WDR70: variants seen among roughly 807,000 people sequenced by gnomAD.
The protein encoded by WDR70 is WD repeat-containing protein 70.
Under a neutral mutation model 88.6 loss-of-function variants are expected in WDR70, and 53 were observed. The ratio of observed to expected loss-of-function variants is 0.60; its 90% CI spans 0.48 to 0.75. The LOEUF is 0.75. Ranked by LOEUF, WDR70 falls within the 30% of genes least tolerant of loss-of-function variation. WDR70 has a pLI of 0.00. For synonymous variants in WDR70, 280 were observed against 270.0 expected, an observed-to-expected ratio of 1.04 and a Z score of -0.36; for missense variants, 610 against 823.2, an observed-to-expected ratio of 0.74 and a Z score of 3.17.
intron 9 of WDR70, among the ~76,000 whole-genome samples, chr5:37,596,040 T>G (rs1220937575): frequency 6.6e-6 from 1 of 152,226 alleles, no homozygotes; most frequent in Non-Finnish European, 1.5e-5. Context: ...GTTTATAAAT[T>G]ACTTTTGCAA....
intron 8 of WDR70, among the ~76,000 whole-genome samples, chr5:37,497,427 C>CTCTTCCCTTCCG (rs1740260153): frequency 5.7e-5 from 2 of 34,840 alleles, no homozygotes; most frequent in Non-Finnish European, 1.9e-4. Context: ...CTTCCCTTCC[C>CTCTTCCCTTCCG]TCTTCCCTTC....
At chr5:37,625,290 C>T (rs1744630516) in intron 10 of WDR70, among the ~76,000 whole-genome samples, 1 of 152,080 alleles carries the variant, frequency 6.6e-6, no homozygotes, top group South Asian at 2.1e-4. Flanking sequence ...TTTACGTTCC[C>T]ACCAATAGTG....
chr5:37,649,806 C>T (rs1465454171), intron 10 of WDR70, among the ~76,000 whole-genome samples: 2 of 125,628 alleles, frequency 1.6e-5, no homozygotes, highest in African/African-American at 3.2e-5. Flanking sequence ...GGCGCGATCT[C>T]GGCTCACTGC....
At chr5:37,398,181 C>T (rs1473712350) in intron 5 of WDR70, among the ~76,000 whole-genome samples, 7 of 148,258 alleles carry the variant, frequency 4.7e-5, no homozygotes, top group Non-Finnish European at 8.9e-5. Flanking sequence ...CTTCGCCTCC[C>T]GGGTTCATGC....
At chr5:37,715,520 G>A (rs1156538732) in intron 13 of WDR70, among the ~76,000 whole-genome samples, 1 of 152,134 alleles carries the variant, frequency 6.6e-6, no homozygotes, top group East Asian at 1.9e-4. Context: ...TCAGGAGGTG[G>A]TGATGAGTCT....
chr5:37,691,411 C>T (rs1343267062), intron 10 of WDR70, among the ~76,000 whole-genome samples: 3 of 152,156 alleles, frequency 2.0e-5, no homozygotes, highest in East Asian at 3.9e-4. Flanking sequence ...AGTATACATT[C>T]TTCTCAGCAC....
chr5:37,382,599 A>G (rs1748462209), intron 3 of WDR70, among the ~76,000 whole-genome samples: 1 of 152,004 alleles, frequency 6.6e-6, no homozygotes, highest in Non-Finnish European at 1.5e-5. Flanking sequence ...TTTAGTAGAG[A>G]TGGGGTTTCA....
chr5:37,478,406 A>G (rs568339148), intron 7 of WDR70, among the ~76,000 whole-genome samples: 12 of 152,328 alleles, frequency 7.9e-5, no homozygotes, highest in African/African-American at 2.6e-4. Flanking sequence ...TTGATACAGC[A>G]TCAGATTCTC....
In WDR70 at chr5:37,396,158, A is replaced by C. The variant is rs143987751; in HGVS notation, c.297-217A>C. 4.6e-4 allele frequency among the ~76,000 whole-genome samples: 67 copies of C among 146,440 alleles called. No homozygotes were observed. The East Asian group carries it at 0.011, about 23-fold the overall frequency. ...GGCTGTCTAACATATAATTGCTGTG[A>C]CCCTTTATTTTTGACTGCGTAAGAC... On this transcript the variant is annotated intron_variant, in intron 4 of 17. Coordinates refer to ENST00000265107, the MANE Select transcript of WDR70 (RefSeq NM_018034.4).
chr5:37,722,098 C>T (rs970662501), intron 14 of WDR70: 3 of 152,076 alleles, frequency 2.0e-5, no homozygotes, highest in African/African-American at 7.2e-5. Flanking sequence ...TGGCCTTATA[C>T]AATAAAGTAT....
intron 13 of WDR70, among the ~76,000 whole-genome samples, chr5:37,708,569 A>G (rs1041381612): frequency 7.2e-5 from 11 of 152,108 alleles, no homozygotes; most frequent in Admixed American, 7.2e-4. Context: ...TTATTAAGAG[A>G]GAATATTGAT....
rs1404112990 is a variant in WDR70, at chr5:37,473,923, T to C, written c.687-5911T>C. On this transcript the variant is annotated intron_variant, in intron 7 of 17. Transcript: ENST00000265107. ...CTTTTGGAAACATATGTTTAGATCA[T>C]TGATTAAAACAGTTTTTTTGTAATA... Among the ~76,000 whole-genome samples, 8 of 152,332 alleles carry C rather than the reference T, an allele frequency of 5.3e-5. No homozygotes were observed. The South Asian group carries it at 1.7e-3, about 32-fold the overall frequency.
intron 9 of WDR70, among the ~76,000 whole-genome samples, chr5:37,590,894 CAGAG>C (rs1210691227): frequency 1.3e-5 from 2 of 151,808 alleles, no homozygotes; most frequent in African/African-American, 4.8e-5. Flanking sequence ...GAACAAAAAT[CAGAG>C]AGAGAAAGAA....
At chr5:37,532,567 G>A (rs1341392722) in intron 9 of WDR70, among the ~76,000 whole-genome samples, 2 of 151,976 alleles carry the variant, frequency 1.3e-5, no homozygotes, top group Non-Finnish European at 2.9e-5. Context: ...ACTTTCCAGT[G>A]TATTTTGCAT....
At chr5:37,746,639 A>T (rs539378866) in intron 17 of WDR70, among the ~76,000 whole-genome samples, 2 of 148,704 alleles carry the variant, frequency 1.3e-5, no homozygotes, top group South Asian at 4.2e-4. Context: ...TACTATGAAC[A>T]CCTCTGAGCA....
At chr5:37,714,591 T>G (rs1747605986) in intron 13 of WDR70, among the ~76,000 whole-genome samples, 1 of 152,196 alleles carries the variant, frequency 6.6e-6, no homozygotes. Flanking sequence ...CTACCATATC[T>G]TGGTATCCCA....
intron 9 of WDR70, among the ~76,000 whole-genome samples, chr5:37,602,184 A>G (rs986370751): frequency 5.3e-5 from 8 of 152,162 alleles, no homozygotes; most frequent in Non-Finnish European, 5.9e-5. Context: ...AAAACTGCAC[A>G]TTCTGCACAT....
chr5:37,417,724 C>T (rs1334949662), intron 5 of WDR70, among the ~76,000 whole-genome samples: 4 of 152,004 alleles, frequency 2.6e-5, no homozygotes, highest in African/African-American at 9.7e-5. Context: ...TTACCTTATT[C>T]TTTGTAGAGG....
At chr5:37,586,329 T>G (rs1259336690) in intron 9 of WDR70, among the ~76,000 whole-genome samples, 1 of 152,212 alleles carries the variant, frequency 6.6e-6, no homozygotes, top group African/African-American at 2.4e-5. Flanking sequence ...ATCTGTGAGC[T>G]CTTGTCTATT....
Sources: allele counts gnomAD v4.1 joint callset (sites outside exome capture counted in the v4.1 genomes callset), GRCh38; gene constraint gnomAD v4.1.1; transcripts MANE v1.5; gene names NCBI Gene and HGNC (gene_info 2026-07-23, HGNC 2026-07-21).